PPIG: variants seen among roughly 807,000 people sequenced by gnomAD.
PPIG encodes the protein peptidylprolyl isomerase G, also known as peptidyl-prolyl cis-trans isomerase G.
A neutral mutation model predicts 87.9 loss-of-function variants in PPIG; 26 were observed. The observed-to-expected ratio is 0.30, with a 90% confidence interval of 0.22 to 0.41. The LOEUF (loss-of-function observed/expected upper bound fraction) is 0.41, where lower values mean the gene tolerates loss of function less well. PPIG is among the 10% of genes least tolerant of loss of function. The pLI, the probability that PPIG is intolerant of heterozygous loss-of-function variation, is 1.00. For missense variants in PPIG, 722 were observed against 879.4 expected (o/e 0.82, Z 2.26); for synonymous variants, 308 against 276.5 (o/e 1.11, Z -1.13).
chr2:169,589,275 A>G (rs570346663), intron 1 of PPIG, among the ~76,000 whole-genome samples: 2 of 152,316 alleles, frequency 1.3e-5, no homozygotes, highest in African/African-American at 4.8e-5. Context: ...CAGAAACATC[A>G]GTGGAAGGGA....
chr2:169,609,026 G>A (rs1157315281), intron 7 of PPIG, among the ~76,000 whole-genome samples: 2 of 149,490 alleles, frequency 1.3e-5, no homozygotes, highest in African/African-American at 4.9e-5. Context: ...GGAGCTTACA[G>A]TGAGCTGAGA....
At chr2:169,628,938 C>CAAAAAAA (rs1685964722) in intron 9 of PPIG, among the ~76,000 whole-genome samples, 1 of 37,058 alleles carries the variant, frequency 2.7e-5, no homozygotes, top group African/African-American at 1.7e-4. Flanking sequence ...GACCCTGTCT[C>CAAAAAAA]CAAAAAAAAA....
chr2:169,610,269 C>T (rs1685450606), intron 7 of PPIG, among the ~76,000 whole-genome samples: 1 of 152,300 alleles, frequency 6.6e-6, no homozygotes, highest in East Asian at 1.9e-4. Flanking sequence ...CCATCCCATA[C>T]TGCTGTAAAG....
intron 9 of PPIG, among the ~76,000 whole-genome samples, chr2:169,619,538 A>G (rs961404502): frequency 6.6e-6 from 1 of 152,162 alleles, no homozygotes; most frequent in Non-Finnish European, 1.5e-5. Context: ...AACTTGCTTT[A>G]TGAATCTGGG....
intron 9 of PPIG, among the ~76,000 whole-genome samples, chr2:169,622,416 T>A (rs983225266): frequency 2.0e-5 from 3 of 152,256 alleles, no homozygotes; most frequent in Admixed American, 1.3e-4. Context: ...ATATATTACT[T>A]ACATCTTTAT....
In PPIG at chr2:169,641,075, A is replaced by G. The variant is rs551689265; in HGVS notation, c.*3552A>G. 2.6e-5 allele frequency: 4 copies of G among 152,270 alleles called. No homozygotes were observed. In the South Asian group the frequency reaches 8.3e-4, roughly 32 times the overall value. The allele number at this position is 152,270 out of a possible 1,614,324, so 9.4% of individuals were successfully genotyped here. On this transcript the variant is annotated 3_prime_UTR_variant, in exon 14 of 14. Transcript: ENST00000260970. ...TATTTTCTTCCCCTTTTGTGTGTATATAGTATTTTGAAAGATAAATGAATT... is the reference window on the plus strand; with the variant it reads ...TATTTTCTTCCCCTTTTGTGTGTATGTAGTATTTTGAAAGATAAATGAATT...
chr2:169,591,605 A>G (rs537668989), intron 1 of PPIG, among the ~76,000 whole-genome samples: 2 of 152,222 alleles, frequency 1.3e-5, no homozygotes, highest in Admixed American at 1.3e-4. Flanking sequence ...TTATACTTAA[A>G]TTTCTGAAGG....
At chr2:169,612,705 G>T (rs1685524150) in intron 7 of PPIG, among the ~76,000 whole-genome samples, 1 of 152,002 alleles carries the variant, frequency 6.6e-6, no homozygotes, top group African/African-American at 2.4e-5. Flanking sequence ...TTATGGCTGT[G>T]TAATATTCCA....
chr2:169,638,100 G>A lies in PPIG; in HGVS notation c.*577G>A, dbSNP rs1404542141. On this transcript the variant is annotated 3_prime_UTR_variant, in exon 14 of 14. Coordinates refer to ENST00000260970, the MANE Select transcript of PPIG (RefSeq NM_004792.3). Reference sequence around the variant, plus strand: ...CTTCATACTCTATTCTTTATAGTTCGAGCCATAGCTTGTTTCCTATTAATG... The same window carrying A: ...CTTCATACTCTATTCTTTATAGTTCAAGCCATAGCTTGTTTCCTATTAATG... 4 of 151,924 alleles carry A rather than the reference G, an allele frequency of 2.6e-5. No individual in the cohort carries two copies. Among genetic ancestry groups the A allele is most frequent in the East Asian group, 1.9e-4 (1 of 5,190 alleles). 9.4% of individuals were successfully genotyped at this position (151,924 alleles called of 1,614,324 possible). A position where few individuals can be genotyped will look rare whatever the true frequency, so the allele number is the denominator to read the frequency against.
intron 9 of PPIG, among the ~76,000 whole-genome samples, chr2:169,629,980 A>G (rs1014005611): frequency 6.6e-6 from 1 of 152,106 alleles, no homozygotes; most frequent in African/African-American, 2.4e-5. Flanking sequence ...ATATTGTCCC[A>G]TCTTTGGCCC....
chr2:169,630,527 T>G (rs1686016484), intron 9 of PPIG, among the ~76,000 whole-genome samples: 1 of 152,192 alleles, frequency 6.6e-6, no homozygotes, highest in Non-Finnish European at 1.5e-5. Context: ...TAACATTAGT[T>G]TAGCATTTTA....
chr2:169,597,502 CT>C (rs55683230), intron 1 of PPIG, among the ~76,000 whole-genome samples: 49,595 of 131,950 alleles, frequency 0.38, 8,176 homozygotes, highest in East Asian at 0.54. Flanking sequence ...CTTTTCTTTT[CT>C]TTTTTTTTTT....
At chr2:169,624,744 C>T (rs888095385) in intron 9 of PPIG, among the ~76,000 whole-genome samples, 15 of 152,186 alleles carry the variant, frequency 9.9e-5, no homozygotes, top group African/African-American at 3.6e-4. Flanking sequence ...CCCACCACCA[C>T]GCCCGGCTAA....
intron 9 of PPIG, among the ~76,000 whole-genome samples, chr2:169,619,065 T>A (rs1574456451): frequency 6.6e-6 from 1 of 152,230 alleles, no homozygotes; most frequent in African/African-American, 2.4e-5. Context: ...TCCCAGAGAT[T>A]CTGGTACGTT....
At chr2:169,599,291 C>T (rs1437426381) in intron 1 of PPIG, among the ~76,000 whole-genome samples, 1 of 151,978 alleles carries the variant, frequency 6.6e-6, no homozygotes, top group African/African-American at 2.4e-5. Flanking sequence ...TATTTCATTT[C>T]ATGGGGGTAT....
At chr2:169,620,459 C>T (rs975828520) in intron 9 of PPIG, among the ~76,000 whole-genome samples, 25 of 151,276 alleles carry the variant, frequency 1.7e-4, no homozygotes, top group Non-Finnish European at 2.8e-4. Context: ...AATAATTTGC[C>T]CTTTTGCTTC....
chr2:169,612,541 G>A (rs1420435682), intron 7 of PPIG, among the ~76,000 whole-genome samples: 2 of 151,880 alleles, frequency 1.3e-5, no homozygotes, highest in Admixed American at 1.3e-4. Flanking sequence ...CTGTCACCAC[G>A]CCTGGCTAAT....
chr2:169,610,481 T>A (rs1003435528), intron 7 of PPIG, among the ~76,000 whole-genome samples: 3 of 151,260 alleles, frequency 2.0e-5, no homozygotes, highest in East Asian at 2.0e-4. Flanking sequence ...GTTTTGATAT[T>A]TTTTTTTTGC....
At chr2:169,606,332 G>T (rs979563631) in intron 5 of PPIG, among the ~76,000 whole-genome samples, 186 bp downstream of exon 5, 1 of 151,874 alleles carries the variant, frequency 6.6e-6, no homozygotes, top group Non-Finnish European at 1.5e-5. Flanking sequence ...GGTGGCTCAC[G>T]CCTGTAATCC....
Sources: allele counts gnomAD v4.1 joint callset (sites outside exome capture counted in the v4.1 genomes callset), GRCh38; gene constraint gnomAD v4.1.1; transcripts MANE v1.5; gene names NCBI Gene and HGNC (gene_info 2026-07-23, HGNC 2026-07-21).